Variants in CFAP251 observed in about 807,000 individuals in gnomAD.
CFAP251 encodes cilia and flagella associated protein 251.
A neutral mutation model predicts 126.7 loss-of-function variants in CFAP251; 93 were observed. That is an observed-to-expected ratio of 0.73 (90% CI 0.62 to 0.87). CFAP251 has a LOEUF of 0.87. Among genes scored for constraint, CFAP251 ranks in the 40% least tolerant of loss-of-function variants. The pLI, the probability that CFAP251 is intolerant of heterozygous loss-of-function variation, is 0.00. For synonymous variants in CFAP251, 503 were observed against 506.9 expected (o/e 0.99, Z 0.10); for missense variants, 1,287 against 1,389.2 (o/e 0.93, Z 1.17).
At chr12:121,935,204 G>T (rs1206219996) in intron 5 of CFAP251, among the ~76,000 whole-genome samples, 4 of 152,070 alleles carry the variant, frequency 2.6e-5, no homozygotes, top group Non-Finnish European at 5.9e-5. Flanking sequence ...CCATCCTCCT[G>T]CCTCGGCCTC....
At chr12:121,987,534 G>A (rs1018086188) in intron 19 of CFAP251, among the ~76,000 whole-genome samples, 3 of 152,014 alleles carry the variant, frequency 2.0e-5, no homozygotes, top group African/African-American at 7.3e-5. Context: ...GGCCAACATG[G>A]TGAAGCCCTG....
In CFAP251 at chr12:121,999,952, C is replaced by A; in HGVS notation, c.3235+8C>A. ...GACTGCTCGTTACTAAAGGTAAGCACATACATCAGGATGTCTGGTAACATC... is the reference window on the plus strand; with the variant it reads ...GACTGCTCGTTACTAAAGGTAAGCAAATACATCAGGATGTCTGGTAACATC... On this transcript the variant is annotated splice_region_variant and intron_variant, in intron 20 of 21. Coordinates refer to ENST00000288912, the MANE Select transcript of CFAP251 (RefSeq NM_144668.6). 1 of 1,602,650 alleles carries A rather than the reference C, an allele frequency of 6.2e-7. No homozygotes were observed. The highest frequency in any genetic ancestry group is 8.5e-7 in the Non-Finnish European group (1 of 1,170,188).
intron 5 of CFAP251, among the ~76,000 whole-genome samples, chr12:121,936,324 G>C (rs1028750886): frequency 1.3e-5 from 2 of 152,182 alleles, no homozygotes; most frequent in Admixed American, 6.5e-5. Context: ...GTGCATGCCT[G>C]TAGTCCCAGC....
At chr12:121,934,155 G>A (rs1880797859) in intron 4 of CFAP251, 92 bp from the exon 5 acceptor site, 1 of 953,038 alleles carries the variant, frequency 1.0e-6, no homozygotes, top group Non-Finnish European at 1.6e-6. Context: ...AAGGAGCTCA[G>A]ATCTTTCTGT....
chr12:121,969,383 G>T, intron 17 of CFAP251: 1 of 985,408 alleles, frequency 1.0e-6, no homozygotes, highest in South Asian at 4.7e-5. Context: ...ATTGAAAAGG[G>T]ATCATGGCCT....
At chr12:121,991,993 A>T (rs1882886478) in intron 19 of CFAP251, among the ~76,000 whole-genome samples, 1 of 148,060 alleles carries the variant, frequency 6.8e-6, no homozygotes, top group Admixed American at 6.8e-5. Context: ...ACTATCATCT[A>T]AAAAAAAAAA....
At chr12:121,932,286 TG>T (rs1314363289) in intron 4 of CFAP251, 1 of 153,116 alleles carries the variant, frequency 6.5e-6, no homozygotes, top group African/African-American at 2.4e-5. Context: ...TACCGAGAAG[TG>T]GGTATTCATA....
chr12:121,984,726 T>C (rs1882704860), intron 19 of CFAP251, among the ~76,000 whole-genome samples: 1 of 152,206 alleles, frequency 6.6e-6, no homozygotes, highest in African/African-American at 2.4e-5. Flanking sequence ...TCCTCTATCT[T>C]TATAAATGTG....
At chr12:121,949,482 T>G (rs902440479) in intron 8 of CFAP251, 1 of 78,016 alleles carries the variant, frequency 1.3e-5, no homozygotes, top group Admixed American at 1.0e-4. Flanking sequence ...ATACAGCAGG[T>G]TTTTTTTTTT....
chr12:121,969,620 G>A (rs1169634821), intron 17 of CFAP251: 17 of 764,882 alleles, frequency 2.2e-5, no homozygotes, highest in Non-Finnish European at 2.7e-5. Flanking sequence ...TGAGTAGCTG[G>A]GACCACAGGC....
At chr12:121,926,354 TCTCA>T (rs1167038543) in intron 3 of CFAP251, among the ~76,000 whole-genome samples, 1 of 151,982 alleles carries the variant, frequency 6.6e-6, no homozygotes, top group Admixed American at 6.6e-5. Flanking sequence ...TGAGACAGGC[TCTCA>T]CTCTATCACC....
chr12:121,943,680 C>T (rs759246002), intron 7 of CFAP251, among the ~76,000 whole-genome samples: 5 of 152,120 alleles, frequency 3.3e-5, no homozygotes, highest in Non-Finnish European at 7.4e-5. Flanking sequence ...CCACCTTGTC[C>T]TCCCAAAATG....
rs1006695934 is a variant in CFAP251 at position 121,973,981 on chromosome 12, G to A, written c.2772-1263G>A. ...AAATGTAAGGACATGAGATTTGGGA[G>A]GGGTCAGAGGCGGAATGATATGGTT... On this transcript the variant is annotated intron_variant, in intron 17 of 21. Transcript: ENST00000288912. Among the ~76,000 whole-genome samples the A allele has an allele frequency of 2.9e-4, 44 of 152,258 alleles. 1 individual carries two copies. Among genetic ancestry groups the A allele is most frequent in the Non-Finnish European group, 3.2e-4 (22 of 68,032 alleles).
intron 19 of CFAP251, among the ~76,000 whole-genome samples, chr12:121,983,936 A>C (rs1352549346): frequency 6.6e-6 from 1 of 152,200 alleles, no homozygotes; most frequent in South Asian, 2.1e-4. Context: ...AAACTAACCC[A>C]GGCTTTACCG....
At chr12:121,986,010 T>G (rs1307130425) in intron 19 of CFAP251, among the ~76,000 whole-genome samples, 1 of 151,682 alleles carries the variant, frequency 6.6e-6, no homozygotes, top group Non-Finnish European at 1.5e-5. Flanking sequence ...TATTATTTTT[T>G]TGAGAGAGTC....
chr12:121,960,828 T>G (rs1881907618), intron 14 of CFAP251, 70 bp downstream of exon 14: 1 of 1,535,410 alleles, frequency 6.5e-7, no homozygotes. Flanking sequence ...CCCTGGCATC[T>G]TGCATAGAGC....
intron 10 of CFAP251, among the ~76,000 whole-genome samples, chr12:121,955,099 G>T (rs965130658): frequency 2.6e-5 from 4 of 152,114 alleles, no homozygotes; most frequent in African/African-American, 9.7e-5. Context: ...TTTGAGACCA[G>T]CCTGGCCAAC....
At chr12:121,938,180 T>G (rs996615056) in intron 5 of CFAP251, among the ~76,000 whole-genome samples, 1 of 151,774 alleles carries the variant, frequency 6.6e-6, no homozygotes, top group African/African-American at 2.4e-5. Context: ...AATTTTTTTT[T>G]TTTTCTGGTA....
rs367724329 is a variant in CFAP251, at chr12:121,960,679, G to A, written c.2228G>A (p.Ser743Asn). Residue 743 changes from serine to asparagine, a missense_variant, in exon 14 of 22, where the codon AGC (serine) becomes AAC (asparagine). Transcript: ENST00000288912. ...YLARLRSHRK[S>N]IRSLLFGVYL... ...GCAAGACTTCGCTCTCATCGCAAAAGCATTCGAAGTCTCCTGTTTGGGGTT... is the reference window on the plus strand; with the variant it reads ...GCAAGACTTCGCTCTCATCGCAAAAACATTCGAAGTCTCCTGTTTGGGGTT... 7.4e-6 allele frequency: 12 copies of A among 1,613,996 alleles called. No homozygotes were observed. Among genetic ancestry groups the A allele is most frequent in the African/African-American group, 6.7e-5 (5 of 74,928 alleles).
Sources: gnomAD v4.1 joint callset for allele counts (sites outside exome capture counted in the v4.1 genomes callset) on GRCh38, gnomAD v4.1.1 for gene constraint, MANE v1.5 for transcripts, NCBI Gene and HGNC (gene_info 2026-07-23, HGNC 2026-07-21) for gene names.